Variants in HLTF observed in about 807,000 individuals in gnomAD.
The protein encoded by HLTF is DNA-dependent ATPase/E3 ubiquitin-protein ligase HLTF.
A neutral mutation model predicts 129.4 loss-of-function variants in HLTF; 127 were observed. The observed-to-expected ratio is 0.98, with a 90% CI of 0.85 to 1.14. The LOEUF (loss-of-function observed/expected upper bound fraction) is 1.14, where lower values mean the gene tolerates loss of function less well. Among genes scored for constraint, HLTF ranks in the 50% most tolerant of loss-of-function variants. The probability of loss-of-function intolerance (pLI) is 0.00; values close to 1 mark genes in which losing one functional copy is unlikely to be tolerated. For synonymous variants in HLTF, 332 were observed against 388.8 expected (o/e 0.85, Z 1.72); for missense variants, 1,139 against 1,187.1 (o/e 0.96, Z 0.60).
intron 18 of HLTF, among the ~76,000 whole-genome samples, chr3:149,044,517 C>T (rs963921814): frequency 6.6e-6 from 1 of 152,136 alleles, no homozygotes; most frequent in African/African-American, 2.4e-5. Flanking sequence ...TTTCACTTTA[C>T]TCACTCCCTT....
intron 4 of HLTF, 136 bp from the exon 5 acceptor site, chr3:149,073,458 C>T (rs756236730): frequency 1.4e-4 from 84 of 613,174 alleles, no homozygotes; most frequent in South Asian, 2.9e-4. Flanking sequence ...CTTTGGGAGG[C>T]CAAGGCAGGT....
At position 149,060,695 on chromosome 3, in the gene HLTF, T is replaced by G. The variant is rs1481414341; in HGVS notation, c.1241-8A>C. 7.4e-6 allele frequency: 12 copies of G among 1,613,054 alleles called. No individual in the cohort carries two copies. Among genetic ancestry groups the G allele is most frequent in the Non-Finnish European group, 1.0e-5 (12 of 1,179,440 alleles). On this transcript the variant is annotated splice_polypyrimidine_tract_variant and splice_region_variant and intron_variant, in intron 11 of 24. Coordinates refer to ENST00000310053, the MANE Select transcript of HLTF (RefSeq NM_003071.4). The stretch of plus-strand genomic sequence containing the variant: ...GTACATTTTTCAGTTTGCCTAAAAA[T>G]AAAACAAAAATAAACATAAAAATGG...
At chr3:149,036,550 A>G (rs1307014806) in intron 23 of HLTF, among the ~76,000 whole-genome samples, 1 of 152,060 alleles carries the variant, frequency 6.6e-6, no homozygotes, top group African/African-American at 2.4e-5. Flanking sequence ...GCCTCCCACA[A>G]AGTGCTGGGA....
chr3:149,052,402 A>C (rs1359484167), intron 14 of HLTF, among the ~76,000 whole-genome samples: 1 of 152,172 alleles, frequency 6.6e-6, no homozygotes, highest in East Asian at 1.9e-4. Flanking sequence ...AAAGAATATA[A>C]AAGTTTCAAG....
At chr3:149,048,307 G>T in intron 16 of HLTF, 144 bp from the exon 17 acceptor site, 1 of 526,380 alleles carries the variant, frequency 1.9e-6, no homozygotes, top group Non-Finnish European at 3.2e-6. Context: ...ACTATCAAGT[G>T]TTGACTATAA....
At chr3:149,076,819 T>G (rs1312102202) in intron 2 of HLTF, among the ~76,000 whole-genome samples, 1 of 152,150 alleles carries the variant, frequency 6.6e-6, no homozygotes, top group Admixed American at 6.5e-5. Context: ...GATAAATTAT[T>G]TGTCAGAATC....
At chr3:149,075,515 G>T (rs1393387953) in intron 3 of HLTF, among the ~76,000 whole-genome samples, 1 of 152,194 alleles carries the variant, frequency 6.6e-6, no homozygotes, top group Non-Finnish European at 1.5e-5. Context: ...CTGCACTGCA[G>T]CCTGGGCAAC....
intron 14 of HLTF, among the ~76,000 whole-genome samples, chr3:149,051,157 G>GAAT (rs970281660): frequency 2.0e-5 from 3 of 149,752 alleles, no homozygotes; most frequent in African/African-American, 4.9e-5. Flanking sequence ...TATGAAATAT[G>GAAT]AATAATAATA....
rs200461348 is a variant in HLTF, at chr3:149,054,691, GA to G, written c.1473+611del. Among the ~76,000 whole-genome samples, 7 of 150,322 alleles carry G rather than the reference GA, an allele frequency of 4.7e-5. No homozygotes were observed. In the East Asian group the frequency reaches 7.8e-4, roughly 17 times the overall value. Reference sequence around the variant, plus strand: ...TGTTTCAGAACAGAAAAGCAATCTGGAAAAAAAAAATTTCTGATGGGTAGTG... The same window carrying G: ...TGTTTCAGAACAGAAAAGCAATCTGGAAAAAAAAATTTCTGATGGGTAGTG... On this transcript the variant is annotated intron_variant, in intron 14 of 24. Transcript: ENST00000310053.
intron 24 of HLTF, 23 bp downstream of exon 24, chr3:149,034,895 A>C (rs750851030): frequency 6.6e-7 from 1 of 1,519,426 alleles, no homozygotes; most frequent in Non-Finnish European, 9.1e-7. Flanking sequence ...CCTAGTCTTA[A>C]AATAGTTTGT....
At chr3:149,085,260 G>A (rs927722689) in intron 1 of HLTF, among the ~76,000 whole-genome samples, 5 of 152,226 alleles carry the variant, frequency 3.3e-5, no homozygotes, top group African/African-American at 4.8e-5. Context: ...GGAGGCAGAG[G>A]CAGGTGGATC....
At chr3:149,053,084 A>G (rs764277677) in intron 14 of HLTF, among the ~76,000 whole-genome samples, 2 of 152,230 alleles carry the variant, frequency 1.3e-5, no homozygotes, top group Non-Finnish European at 2.9e-5. Flanking sequence ...ATTTGAAGAC[A>G]AAAAAGGGAA....
Position 149,071,350 on chromosome 3 carries a change from G to A in HLTF, c.796C>T (p.Gln266Ter). ...GTGTTATAGTATAAGTCATTTCGCTGTTCCCAGAATGGTGGAAGTTCTTTG... is the reference window on the plus strand; with the variant it reads ...GTGTTATAGTATAAGTCATTTCGCTATTCCCAGAATGGTGGAAGTTCTTTG... ...NSKELPPFWE[Q>*]RNDLYYNTIT... The change falls in exon 7 of 25, where the codon CAG becomes TAG. Residue 266 changes from glutamine to a stop codon, truncating the protein, a stop_gained. Transcript: ENST00000310053. LOFTEE classifies it high-confidence loss of function. 6.2e-7 allele frequency: 1 copy of A among 1,612,558 alleles called. No homozygotes were observed. The highest frequency in any genetic ancestry group is 8.5e-7 in the Non-Finnish European group (1 of 1,178,586).
chr3:149,071,710 C>T lies in HLTF; in HGVS notation c.628-53G>A, dbSNP rs1484837083. 4 of 1,093,516 alleles carry T rather than the reference C, an allele frequency of 3.7e-6. No homozygotes were observed. The African/African-American group carries it at 4.8e-5, about 13-fold the overall frequency. 67.7% of individuals were successfully genotyped at this position (1,093,516 alleles called of 1,614,324 possible). Reference sequence around the variant, plus strand: ...GTAAAACAAACTAATTAAAATAATACTTGCATTTAAGTCAGATTTGAAATC... The same window carrying T: ...GTAAAACAAACTAATTAAAATAATATTTGCATTTAAGTCAGATTTGAAATC... On this transcript the variant is annotated intron_variant, in intron 5 of 24. Transcript: ENST00000310053.
At position 149,032,315 on chromosome 3, in the gene HLTF, C is replaced by CGT; in HGVS notation, c.2934_2935insAC (p.Glu979ThrfsTer18). ...GTTCCAAAGGCTCCTGCTGCAAGTT[C>CGT]TCTCTTTTTGTTTTGTATTTTCAGC... On this transcript the variant is annotated frameshift_variant, in exon 25 of 25. Coordinates refer to ENST00000310053, the MANE Select transcript of HLTF (RefSeq NM_003071.4). LOFTEE classifies it high-confidence loss of function. 1.3e-6 allele frequency: 2 copies of CGT among 1,597,544 alleles called. No homozygotes were observed. Among genetic ancestry groups the CGT allele is most frequent in the Non-Finnish European group, 1.7e-6 (2 of 1,171,996 alleles).
In HLTF at chr3:149,048,029, T is replaced by C; in HGVS notation, c.1891A>G (p.Arg631Gly). 1 of 1,598,646 alleles carries C rather than the reference T, an allele frequency of 6.3e-7. No homozygotes were observed. Among genetic ancestry groups the C allele is most frequent in the Non-Finnish European group, 8.5e-7 (1 of 1,174,716 alleles). The change falls in exon 17 of 25, where the codon AGG becomes GGG. Residue 631 changes from arginine to glycine, a missense_variant and splice_region_variant. Physicochemically the swap from Arg to Gly is moderately radical, Grantham distance 125. Coordinates refer to ENST00000310053, the MANE Select transcript of HLTF (RefSeq NM_003071.4). ...PVTMGDEGGL[R>G]RLQSLIKNIT... ...TAATCACTGTCTGAAAGTACTTACCTAAGTCCTCCTTCATCTCCCATTGTG... is the reference window on the plus strand; with the variant it reads ...TAATCACTGTCTGAAAGTACTTACCCAAGTCCTCCTTCATCTCCCATTGTG...
intron 20 of HLTF, chr3:149,040,371 A>G (rs1160282113): frequency 1.5e-5 from 7 of 455,606 alleles, no homozygotes; most frequent in East Asian, 4.3e-5. Flanking sequence ...GAGCAAAAGT[A>G]TGTGATCTGG....
At chr3:149,077,380 T>C (rs1284936914) in intron 2 of HLTF, among the ~76,000 whole-genome samples, 1 of 152,006 alleles carries the variant, frequency 6.6e-6, no homozygotes, top group African/African-American at 2.4e-5. Flanking sequence ...AGAGATTCAT[T>C]CCCAAAGAAC....
chr3:149,039,059 A>G lies in HLTF; in HGVS notation c.2786T>C (p.Leu929Ser), dbSNP rs1168907769. The change falls in exon 23 of 25, where the codon TTA becomes TCA. Residue 929 changes from leucine to serine, a missense_variant. Leu to Ser is a moderately radical substitution (Grantham distance 145). Coordinates refer to ENST00000310053, the MANE Select transcript of HLTF (RefSeq NM_003071.4). The stretch of plus-strand genomic sequence containing the variant: ...TACAGAACTACTTACTGGATCCATT[A>G]AAAACACTCGAGAAGCTGCAGACAG... Reference protein sequence around the residue: ...LNLSAASRVFLMDPAWNPAAE... With the variant: ...LNLSAASRVFSMDPAWNPAAE... 2.5e-6 allele frequency: 4 copies of G among 1,571,778 alleles called. No individual in the cohort carries two copies. The highest frequency in any genetic ancestry group is 2.6e-6 in the Non-Finnish European group (3 of 1,163,026).
Sources: allele counts gnomAD v4.1 joint callset (sites outside exome capture counted in the v4.1 genomes callset), GRCh38; gene constraint gnomAD v4.1.1; transcripts MANE v1.5; gene names NCBI Gene and HGNC (gene_info 2026-07-23, HGNC 2026-07-21).